CCSER2: variants seen among roughly 807,000 people sequenced by gnomAD.
CCSER2 encodes coiled-coil serine rich protein 2, also known as serine-rich coiled-coil domain-containing protein 2.
Under a neutral mutation model 92.3 loss-of-function variants are expected in CCSER2, and 46 were observed. The ratio of observed to expected loss-of-function variants is 0.50; its 90% CI spans 0.39 to 0.64. CCSER2 has a LOEUF of 0.64. CCSER2 is among the 30% of genes least tolerant of loss of function. The probability of loss-of-function intolerance (pLI) is 0.00; values close to 1 mark genes in which losing one functional copy is unlikely to be tolerated. For synonymous variants in CCSER2, 433 were observed against 431.4 expected (o/e 1.00, Z -0.04); for missense variants, 1,244 against 1,238.9 (o/e 1.00, Z -0.06).
intron 9 of CCSER2, among the ~76,000 whole-genome samples, chr10:84,486,461 T>C (rs192768852): frequency 1.3e-5 from 2 of 152,366 alleles, no homozygotes; most frequent in Non-Finnish European, 1.5e-5. Context: ...TGGTATCTCA[T>C]TGTGGTTTTG....
chr10:84,357,817 C>T (rs1282223408), intron 1 of CCSER2, among the ~76,000 whole-genome samples: 1 of 152,202 alleles, frequency 6.6e-6, no homozygotes, highest in Non-Finnish European at 1.5e-5. Flanking sequence ...AGGTTCATAT[C>T]TGTCTGTGAC....
At position 84,457,737 on chromosome 10, in the gene CCSER2, GTTTGTT is replaced by G. The variant is rs374450579; in HGVS notation, c.2065-6179_2065-6174del. Among the ~76,000 whole-genome samples, 18 of 128,048 alleles carry G rather than the reference GTTTGTT, an allele frequency of 1.4e-4. No individual in the cohort carries two copies. The South Asian group carries it at 3.2e-3, about 23-fold the overall frequency. 84.0% of individuals were successfully genotyped at this position (128,048 alleles called of 152,430 possible). A position where few individuals can be genotyped will look rare whatever the true frequency, so the allele number is the denominator to read the frequency against. On this transcript the variant is annotated intron_variant, in intron 6 of 9. Coordinates refer to ENST00000372088, the MANE Select transcript of CCSER2 (RefSeq NM_001284240.2). Reference sequence around the variant, plus strand: ...TATATAAATATATAAAATTTTGTTTGTTTGTTTTTGTTTTTGTTTTTGGAGACAGAG... The same window carrying G: ...TATATAAATATATAAAATTTTGTTTGTTTGTTTTTGTTTTTGGAGACAGAG...
chr10:84,446,385 C>T (rs1844916435), intron 6 of CCSER2, among the ~76,000 whole-genome samples: 1 of 152,028 alleles, frequency 6.6e-6, no homozygotes, highest in African/African-American at 2.4e-5. Context: ...ATAATTTTTC[C>T]CTCACATAAT....
At chr10:84,501,401 A>G (rs1848711555) in intron 9 of CCSER2, among the ~76,000 whole-genome samples, 1 of 152,068 alleles carries the variant, frequency 6.6e-6, no homozygotes, top group African/African-American at 2.4e-5. Flanking sequence ...TTTAGCCTGT[A>G]TCCTTTTTTG....
chr10:84,410,354 T>C (rs183322139), intron 3 of CCSER2, among the ~76,000 whole-genome samples: 4 of 152,378 alleles, frequency 2.6e-5, no homozygotes, highest in African/African-American at 9.6e-5. Context: ...TCTATCACAA[T>C]GGTTGAACTA....
chr10:84,434,217 C>T (rs1342227568), intron 5 of CCSER2, among the ~76,000 whole-genome samples: 2 of 152,142 alleles, frequency 1.3e-5, no homozygotes, highest in Non-Finnish European at 2.9e-5. Flanking sequence ...GATTTTACCT[C>T]CCATTCTGAG....
chr10:84,432,451 T>G (rs935754857), intron 5 of CCSER2, among the ~76,000 whole-genome samples: 3 of 152,186 alleles, frequency 2.0e-5, no homozygotes, highest in African/African-American at 7.2e-5. Context: ...TTACCATTGT[T>G]ATGTCTGTGA....
intron 6 of CCSER2, among the ~76,000 whole-genome samples, chr10:84,452,556 C>T (rs1002344292): frequency 2.6e-5 from 4 of 152,172 alleles, no homozygotes; most frequent in African/African-American, 9.7e-5. Context: ...ACTGCTAAAA[C>T]ATTTCACCTA....
In CCSER2 at chr10:84,512,179, G is replaced by GA. The variant is rs1271797358; in HGVS notation, c.2326-1263dup. On this transcript the variant is annotated intron_variant, in intron 9 of 9. Transcript: ENST00000372088. ...TGCTGGTCAGGGAGGTGGAAGAACT[G>GA]AAAAAAACACAAATGATGCAGTATA... Among the ~76,000 whole-genome samples, 6 of 151,854 alleles carry GA rather than the reference G, an allele frequency of 4.0e-5. No homozygotes were observed. In the East Asian group the frequency reaches 7.7e-4, roughly 20 times the overall value.
At chr10:84,393,366 G>A (rs1321269854) in intron 3 of CCSER2, among the ~76,000 whole-genome samples, 2 of 152,186 alleles carry the variant, frequency 1.3e-5, no homozygotes, top group African/African-American at 4.8e-5. Context: ...GTAAAAGGCT[G>A]CGTAAATGTC....
At chr10:84,378,437 T>A (rs1257214636) in intron 3 of CCSER2, among the ~76,000 whole-genome samples, 2 of 147,372 alleles carry the variant, frequency 1.4e-5, no homozygotes, top group Non-Finnish European at 3.0e-5. Flanking sequence ...ATTAAATTTT[T>A]TTTTTTTTTT....
intron 3 of CCSER2, among the ~76,000 whole-genome samples, chr10:84,404,991 A>G (rs755365206): frequency 3.3e-5 from 5 of 152,206 alleles, no homozygotes; most frequent in Non-Finnish European, 7.4e-5. Context: ...AAGTGATGCA[A>G]TACCAATCAG....
At chr10:84,446,419 G>T (rs1021070023) in intron 6 of CCSER2, among the ~76,000 whole-genome samples, 2 of 152,118 alleles carry the variant, frequency 1.3e-5, no homozygotes, top group Non-Finnish European at 2.9e-5. Context: ...GTGTGTGGGG[G>T]CAGTGGGTGT....
At chr10:84,343,282 G>A (rs901082905) in intron 1 of CCSER2, among the ~76,000 whole-genome samples, 2 of 152,168 alleles carry the variant, frequency 1.3e-5, no homozygotes, top group African/African-American at 4.8e-5. Context: ...GGTGCCCAAA[G>A]TATAAACCTG....
intron 6 of CCSER2, chr10:84,452,194 C>T (rs1481890238): frequency 6.6e-6 from 1 of 152,122 alleles, no homozygotes; most frequent in East Asian, 1.9e-4. Context: ...AGGGATTTGT[C>T]AGTGCTGCTA....
intron 9 of CCSER2, among the ~76,000 whole-genome samples, chr10:84,511,168 T>C (rs1849329526): frequency 6.6e-6 from 1 of 152,218 alleles, no homozygotes; most frequent in Admixed American, 6.5e-5. Context: ...GACTCAACAT[T>C]TTGTTATTCT....
intron 9 of CCSER2, among the ~76,000 whole-genome samples, chr10:84,494,943 A>G (rs1848364302): frequency 6.6e-6 from 1 of 151,754 alleles, no homozygotes; most frequent in Non-Finnish European, 1.5e-5. Flanking sequence ...AAAGAAACAA[A>G]AGAATGGTTA....
chr10:84,356,882 T>C (rs138660987), intron 1 of CCSER2, among the ~76,000 whole-genome samples: 1,675 of 152,356 alleles, frequency 0.011, 17 homozygotes, highest in Non-Finnish European at 0.017. Context: ...TATATACATA[T>C]AGATGTGCTG....
chr10:84,378,825 A>T (rs1014929102), intron 3 of CCSER2, among the ~76,000 whole-genome samples: 4 of 152,156 alleles, frequency 2.6e-5, no homozygotes, highest in African/African-American at 4.8e-5. Context: ...CTCCTCCCAC[A>T]GTCTCCCAAG....
Sources: gnomAD v4.1 joint callset for allele counts (sites outside exome capture counted in the v4.1 genomes callset) on GRCh38, gnomAD v4.1.1 for gene constraint, MANE v1.5 for transcripts, NCBI Gene and HGNC (gene_info 2026-07-23, HGNC 2026-07-21) for gene names.